CPSF3: variants seen among roughly 807,000 people sequenced by gnomAD.
CPSF3 encodes cleavage and polyadenylation specific factor 3, also known as cleavage and polyadenylation specificity factor subunit 3.
CPSF3 carries 57 observed loss-of-function variants against 84.1 expected under a neutral mutation model. The ratio of observed to expected loss-of-function variants is 0.68; its 90% confidence interval spans 0.55 to 0.85. The LOEUF (loss-of-function observed/expected upper bound fraction) is 0.85, where lower values mean the gene tolerates loss of function less well. Among genes scored for constraint, CPSF3 ranks in the 40% least tolerant of loss-of-function variants. CPSF3 has a pLI of 0.00. For missense variants in CPSF3, 522 were observed against 838.8 expected (o/e 0.62, Z 4.66); for synonymous variants, 275 against 278.1 (o/e 0.99, Z 0.11).
chr2:9,439,093 C>CT (rs750929536), intron 7 of CPSF3, among the ~76,000 whole-genome samples: 1 of 152,082 alleles, frequency 6.6e-6, no homozygotes, highest in Non-Finnish European at 1.5e-5. Context: ...ATGGGATAAA[C>CT]TAGAAGACAA....
intron 1 of CPSF3, among the ~76,000 whole-genome samples, chr2:9,428,035 T>C (rs112108730): frequency 6.6e-6 from 1 of 151,638 alleles, no homozygotes; most frequent in African/African-American, 2.4e-5. Flanking sequence ...CTCGCTCTGT[T>C]GCCCAGGCTG....
At chr2:9,443,441 T>G in intron 9 of CPSF3, 74 bp from the exon 10 acceptor site, 1 of 1,472,728 alleles carries the variant, frequency 6.8e-7, no homozygotes, top group Admixed American at 2.1e-5. Flanking sequence ...TATGACTGCA[T>G]GAAAAAAATG....
intron 1 of CPSF3, among the ~76,000 whole-genome samples, chr2:9,427,247 A>G (rs769717483): frequency 2.6e-5 from 4 of 152,214 alleles, no homozygotes; most frequent in Non-Finnish European, 5.9e-5. Context: ...CTATCTATAG[A>G]GGAGAAATAG....
chr2:9,463,742 G>A (rs1257191264), intron 15 of CPSF3, among the ~76,000 whole-genome samples: 1 of 152,190 alleles, frequency 6.6e-6, no homozygotes, highest in Non-Finnish European at 1.5e-5. Flanking sequence ...AGCAGAGTCA[G>A]CGACTGTGGC....
chr2:9,452,755 T>G (rs2124844004), intron 11 of CPSF3, among the ~76,000 whole-genome samples, 158 bp from the exon 12 acceptor site: 1 of 152,354 alleles, frequency 6.6e-6, no homozygotes, highest in Admixed American at 6.5e-5. Flanking sequence ...GCCCTCATCA[T>G]AGAGATATCA....
At chr2:9,436,670 G>T (rs1018652176) in intron 7 of CPSF3, among the ~76,000 whole-genome samples, 1 of 151,944 alleles carries the variant, frequency 6.6e-6, no homozygotes, top group Admixed American at 6.6e-5. Context: ...TACTCAGGAG[G>T]CTGAGGCAGA....
At position 9,423,698 on chromosome 2, in the gene CPSF3, C is replaced by G. The variant is rs1177950563; in HGVS notation, c.-76C>G. On this transcript the variant is annotated 5_prime_UTR_variant, in exon 1 of 18. Transcript: ENST00000238112. ...AATGGGGTTCTTCCTTTTTTATTTA[C>G]CGGTGGCTGTGCTTCCAATTTAGGA... The G allele has an allele frequency of 1.9e-6, 3 of 1,561,084 alleles. No individual in the cohort carries two copies. The highest frequency in any genetic ancestry group is 4.6e-5 in the East Asian group (2 of 43,264).
intron 7 of CPSF3, among the ~76,000 whole-genome samples, chr2:9,436,784 A>G (rs1254044617): frequency 2.0e-5 from 3 of 150,262 alleles, no homozygotes; most frequent in Non-Finnish European, 4.4e-5. Flanking sequence ...AAATAATAAT[A>G]ATAATAATAA....
intron 15 of CPSF3, among the ~76,000 whole-genome samples, chr2:9,466,402 GCACGCGCACACACGCACACGCGCA>G (rs1176018035): frequency 5.9e-4 from 82 of 137,938 alleles, no homozygotes; most frequent in African/African-American, 2.3e-3. Flanking sequence ...GCACACACAC[GCACGCGCACACACGCACACGCGCA>G]CACACGCGCA....
Position 9,459,712 on chromosome 2 carries a change from C to T in CPSF3, c.1786+94C>T, listed in dbSNP as rs766233951. Reference sequence around the variant, plus strand: ...TCATCCAGGCTGGAGTGCAGTGGCACGATCTCAGCTCACTGCATCCTCCAC... The same window carrying T: ...TCATCCAGGCTGGAGTGCAGTGGCATGATCTCAGCTCACTGCATCCTCCAC... On this transcript the variant is annotated intron_variant, in intron 15 of 17. Transcript: ENST00000238112. 242 of 585,768 alleles carry T rather than the reference C, an allele frequency of 4.1e-4. 1 individual carries two copies. Among genetic ancestry groups the T allele is most frequent in the Non-Finnish European group, 6.0e-4 (221 of 367,920 alleles). 36.3% of individuals were successfully genotyped at this position (585,768 alleles called of 1,614,324 possible).
At position 9,471,421 on chromosome 2, in the gene CPSF3, CCTTAA is replaced by C; in HGVS notation, c.1939_1943del (p.Asn647GlyfsTer8). 6.2e-7 allele frequency: 1 copy of C among 1,607,796 alleles called. No individual in the cohort carries two copies. Among genetic ancestry groups the C allele is most frequent in the Non-Finnish European group, 8.5e-7 (1 of 1,174,280 alleles). On this transcript the variant is annotated frameshift_variant, in exon 17 of 18. Transcript: ENST00000238112. LOFTEE classifies it high-confidence loss of function. Reference sequence around the variant, plus strand: ...TCACAGTGGACGGGAAAACTGCCAACCTTAACTTGGAGACACGGGTATGTAGCTGC... The same window carrying C: ...TCACAGTGGACGGGAAAACTGCCAACCTTGGAGACACGGGTATGTAGCTGC...
At chr2:9,455,522 A>G in intron 12 of CPSF3, 137 bp from the exon 13 acceptor site, 1 of 620,718 alleles carries the variant, frequency 1.6e-6, no homozygotes, top group Middle Eastern at 3.1e-4. Flanking sequence ...GTAAGGTGGT[A>G]CCAAATTAAG....
rs1681199574 is a variant in CPSF3, at chr2:9,448,530, G to A, written c.1395+180G>A. 1.3e-5 allele frequency among the ~76,000 whole-genome samples: 2 copies of A among 152,100 alleles called. 1 individual carries two copies. Among genetic ancestry groups the A allele is most frequent in the South Asian group, 4.2e-4 (2 of 4,818 alleles). On this transcript the variant is annotated intron_variant, in intron 11 of 17. Coordinates refer to ENST00000238112, the MANE Select transcript of CPSF3 (RefSeq NM_016207.4). ...TTGGTTCTGTGCATTCATTTCTTCA[G>A]GTGGAAAATGTTCAGCTAGATTAGA...
intron 7 of CPSF3, among the ~76,000 whole-genome samples, chr2:9,439,891 A>G (rs1450162767): frequency 6.6e-6 from 1 of 152,148 alleles, no homozygotes; most frequent in Non-Finnish European, 1.5e-5. Flanking sequence ...AGGTGGAAGG[A>G]TCACTTGAAC....
Position 9,428,823 on chromosome 2 carries a change from A to T in CPSF3, c.109A>T (p.Ile37Leu). Residue 37 changes from isoleucine to leucine, a missense_variant, in exon 2 of 18, where the codon ATA becomes TTA. Transcript: ENST00000238112. ...CIILEFKGRKIMLDCGIHPGL... is the reference protein window; with the variant it reads ...CIILEFKGRKLMLDCGIHPGL... ...TATTCTCGAGTTCAAAGGAAGAAAAATAATGGTAATTACTATTTTTGTACT... is the reference window on the plus strand; with the variant it reads ...TATTCTCGAGTTCAAAGGAAGAAAATTAATGGTAATTACTATTTTTGTACT... 1 of 1,571,292 alleles carries T rather than the reference A, an allele frequency of 6.4e-7. No individual in the cohort carries two copies. The highest frequency in any genetic ancestry group is 8.8e-7 in the Non-Finnish European group (1 of 1,141,116).
intron 4 of CPSF3, 27 bp downstream of exon 4, chr2:9,430,907 G>A (rs369959717): frequency 7.5e-6 from 12 of 1,597,218 alleles, no homozygotes; most frequent in East Asian, 4.5e-5. Context: ...GATTATACAC[G>A]ACTTTGGCTC....
At chr2:9,457,052 C>G (rs1681556490) in intron 14 of CPSF3, 25 bp downstream of exon 14, 2 of 1,347,736 alleles carry the variant, frequency 1.5e-6, no homozygotes, top group Non-Finnish European at 2.1e-6. Flanking sequence ...TTTACCTAAA[C>G]AATGAGGGGA....
At chr2:9,425,567 T>A (rs1382594418) in intron 1 of CPSF3, among the ~76,000 whole-genome samples, 1 of 152,090 alleles carries the variant, frequency 6.6e-6, no homozygotes, top group Non-Finnish European at 1.5e-5. Context: ...GCTGATCAGC[T>A]GTATCTGGAA....
At chr2:9,428,078 G>A (rs1339325315) in intron 1 of CPSF3, among the ~76,000 whole-genome samples, 3 of 151,096 alleles carry the variant, frequency 2.0e-5, no homozygotes, top group Non-Finnish European at 2.9e-5. Flanking sequence ...CTCACTGCAA[G>A]CTCCGCCTCC....
Sources: gnomAD v4.1 joint callset for allele counts (sites outside exome capture counted in the v4.1 genomes callset) on GRCh38, gnomAD v4.1.1 for gene constraint, MANE v1.5 for transcripts, NCBI Gene and HGNC (gene_info 2026-07-23, HGNC 2026-07-21) for gene names.